The following ZNF487 variants were observed in gnomAD, a reference collection of about 807,000 sequenced individuals.
ZNF487 encodes KRAB domain only 1.
ZNF487 carries 4 observed loss-of-function variants against 3.0 expected under a neutral mutation model. The ratio of observed to expected loss-of-function variants is 1.35; its 90% confidence interval spans 0.66 to 3.08. The LOEUF is 3.08. ZNF487 is among the 30% of genes most tolerant of loss of function. The probability of loss-of-function intolerance (pLI) is 0.01; values close to 1 mark genes in which losing one functional copy is unlikely to be tolerated. For synonymous variants in ZNF487, 55 were observed against 34.6 expected, an observed-to-expected ratio of 1.59 and a Z score of -2.06; for missense variants, 146 against 98.7, an observed-to-expected ratio of 1.48 and a Z score of -2.03.
At chr10:43,466,800 G>A (rs530088312) in intron 1 of ZNF487, among the ~76,000 whole-genome samples, 98 of 152,264 alleles carry the variant, frequency 6.4e-4, no homozygotes, top group Non-Finnish European at 1.0e-3. Flanking sequence ...TCACATAAGA[G>A]CTATGAGGTA....
At chr10:43,509,609 A>G in the ZNF487 span, among the ~76,000 whole-genome samples, 19 of 152,088 alleles carry the variant, frequency 1.2e-4, no homozygotes, top group South Asian at 2.3e-3. Flanking sequence ...TTGGAGTCCA[A>G]TGTTCGAGGG....
At chr10:43,480,222 T>A (rs370301392) in intron 3 of ZNF487, among the ~76,000 whole-genome samples, 1 of 150,276 alleles carries the variant, frequency 6.7e-6, no homozygotes, top group South Asian at 2.1e-4. Flanking sequence ...ATTCTCCTGC[T>A]GCAGCCTCCT....
chr10:43,484,964 A>G, downstream of ZNF487, among the ~76,000 whole-genome samples: 1 of 152,228 alleles, frequency 6.6e-6, no homozygotes, highest in East Asian at 1.9e-4. Context: ...CCAGTGAAAA[A>G]TTGCATGTCT....
At chr10:43,437,003 A>T (rs1839408077), upstream of ZNF487, 1 of 395,580 alleles carries the variant, frequency 2.5e-6, no homozygotes, top group Non-Finnish European at 5.3e-6. Flanking sequence ...CATAGGGCCG[A>T]GCCCCCGCTA....
chr10:43,464,935 A>G (rs1840611491), intron 1 of ZNF487, among the ~76,000 whole-genome samples: 1 of 151,190 alleles, frequency 6.6e-6, no homozygotes, highest in Admixed American at 6.6e-5. Context: ...CTCACTTCCC[A>G]GTAGGGGCGG....
chr10:43,475,997 T>A lies in ZNF487; in HGVS notation c.35-110T>A, dbSNP rs1588741752. 9 of 670,858 alleles carry A rather than the reference T, an allele frequency of 1.3e-5. No individual in the cohort carries two copies. The East Asian group carries it at 2.4e-4, about 18-fold the overall frequency. The allele number at this position is 670,858 out of a possible 1,614,324, so 41.6% of individuals were successfully genotyped here. A position where few individuals can be genotyped will look rare whatever the true frequency, so the allele number is the denominator to read the frequency against. On this transcript the variant is annotated intron_variant, in intron 2 of 3. Coordinates refer to ENST00000437590, the MANE Select transcript of ZNF487 (RefSeq NM_001355444.3). ...TCCCTTCTGGGCACTGTAAAGAATA[T>A]CTGTGGTGTTTTCTGTAATGAAATG...
the ZNF487 span, among the ~76,000 whole-genome samples, chr10:43,518,182 A>G: frequency 6.6e-6 from 1 of 152,222 alleles, no homozygotes; most frequent in African/African-American, 2.4e-5. Flanking sequence ...CCTCACCTGA[A>G]CACACCTTTC....
At chr10:43,487,929 C>CAAA (rs76705594), downstream of ZNF487, among the ~76,000 whole-genome samples, 112 of 40,442 alleles carry the variant, frequency 2.8e-3, 4 homozygotes, top group African/African-American at 8.4e-3. Flanking sequence ...TACCAAAATA[C>CAAA]AAAAAAAAAA....
downstream of ZNF487, among the ~76,000 whole-genome samples, chr10:43,483,535 C>CT (rs71016775): frequency 1.3e-5 from 2 of 151,122 alleles, no homozygotes; most frequent in Non-Finnish European, 2.9e-5. Flanking sequence ...CCCAGCCCTT[C>CT]TTTTTTTTTT....
intron 1 of ZNF487, among the ~76,000 whole-genome samples, chr10:43,444,239 C>T (rs1839723836): frequency 6.6e-6 from 1 of 152,140 alleles, no homozygotes; most frequent in African/African-American, 2.4e-5. Context: ...AATCTGTACC[C>T]ATTGATGTTT....
the ZNF487 span, among the ~76,000 whole-genome samples, chr10:43,514,231 C>T: frequency 1.3e-5 from 2 of 152,042 alleles, no homozygotes; most frequent in Non-Finnish European, 2.9e-5. Flanking sequence ...ACCTCCACTT[C>T]CTGGGTTCAA....
upstream of ZNF487, chr10:43,437,013 A>C: frequency 2.6e-6 from 1 of 384,682 alleles, no homozygotes; most frequent in Middle Eastern, 5.8e-4. Flanking sequence ...AGCCCCCGCT[A>C]GGCACGCGGG....
the ZNF487 span, among the ~76,000 whole-genome samples, chr10:43,501,788 C>CT: frequency 0.77 from 114,039 of 148,150 alleles, 44,171 homozygotes; most frequent in East Asian, 0.93. Context: ...TTTAACTTTC[C>CT]TTTTTTTTTT....
chr10:43,489,773 A>G, the ZNF487 span, among the ~76,000 whole-genome samples: 2 of 152,254 alleles, frequency 1.3e-5, no homozygotes, highest in South Asian at 4.1e-4. Context: ...TCACTGAGAA[A>G]GGTACATTGG....
chr10:43,441,098 A>G (rs189056927), intron 1 of ZNF487, among the ~76,000 whole-genome samples: 3 of 108,480 alleles, frequency 2.8e-5, no homozygotes, highest in Non-Finnish European at 5.0e-5. Context: ...TGTATTGCCC[A>G]GGCTGGTCTT....
the ZNF487 span, among the ~76,000 whole-genome samples, chr10:43,515,417 G>A: frequency 6.6e-6 from 1 of 152,178 alleles, no homozygotes; most frequent in East Asian, 1.9e-4. Context: ...TGGCAGCATG[G>A]GTCAGGGAGG....
chr10:43,507,663 C>T, the ZNF487 span, among the ~76,000 whole-genome samples: 1 of 152,196 alleles, frequency 6.6e-6, no homozygotes, highest in Non-Finnish European at 1.5e-5. Flanking sequence ...ACCAAGAAGC[C>T]AGAGGGCTAA....
chr10:43,489,687 A>T, the ZNF487 span, among the ~76,000 whole-genome samples: 1 of 152,206 alleles, frequency 6.6e-6, no homozygotes, highest in Non-Finnish European at 1.5e-5. Context: ...AGCCAATAAC[A>T]AGTTCCAAGT....
At chr10:43,448,381 G>T (rs1287244182) in intron 1 of ZNF487, among the ~76,000 whole-genome samples, 3 of 152,024 alleles carry the variant, frequency 2.0e-5, no homozygotes, top group Admixed American at 6.6e-5. Context: ...GTCTTGCGCT[G>T]AAGTGGAGAA....
Sources: allele counts gnomAD v4.1 joint callset (sites outside exome capture counted in the v4.1 genomes callset), GRCh38; gene constraint gnomAD v4.1.1; transcripts MANE v1.5; gene names NCBI Gene and HGNC (gene_info 2026-07-23, HGNC 2026-07-21).